Variants in TAFA1 observed in about 807,000 individuals in gnomAD.
TAFA1 encodes the protein TAFA chemokine like family member 1, also known as chemokine-like protein TAFA-1.
Under a neutral mutation model 18.5 loss-of-function variants are expected in TAFA1, and 4 were observed. The ratio of observed to expected loss-of-function variants is 0.22; its 90% confidence interval spans 0.11 to 0.49. The LOEUF (loss-of-function observed/expected upper bound fraction) is 0.49. Among genes scored for constraint, TAFA1 ranks in the 20% least tolerant of loss-of-function variants. The probability of loss-of-function intolerance (pLI) is 0.98; values close to 1 mark genes in which losing one functional copy is unlikely to be tolerated. For synonymous variants in TAFA1, 56 were observed against 55.2 expected, an observed-to-expected ratio of 1.01 and a Z score of -0.06; for missense variants, 147 against 169.0, an observed-to-expected ratio of 0.87 and a Z score of 0.72.
chr3:68,243,306 T>C (rs140517270), intron 2 of TAFA1, among the ~76,000 whole-genome samples: 1 of 152,164 alleles, frequency 6.6e-6, no homozygotes, highest in African/African-American at 2.4e-5. Context: ...TACAGAGCTT[T>C]TACAGTTTTT....
chr3:68,440,336 C>T (rs758519138), intron 3 of TAFA1, among the ~76,000 whole-genome samples: 1 of 152,054 alleles, frequency 6.6e-6, no homozygotes, highest in Non-Finnish European at 1.5e-5. Flanking sequence ...TGTAAATTGC[C>T]CAATCTTGGA....
At chr3:68,266,520 G>A (rs769073204) in intron 2 of TAFA1, among the ~76,000 whole-genome samples, 9 of 152,152 alleles carry the variant, frequency 5.9e-5, no homozygotes, top group East Asian at 1.9e-4. Flanking sequence ...ACAGAAACTC[G>A]TTTGATCTTT....
intron 3 of TAFA1, among the ~76,000 whole-genome samples, chr3:68,537,545 G>A (rs567845635): frequency 2.6e-4 from 39 of 152,176 alleles, no homozygotes; most frequent in Admixed American, 7.9e-4. Context: ...TTTCTTTTAG[G>A]CCTTTAAAAG....
At chr3:68,248,717 G>A (rs1018505671) in intron 2 of TAFA1, among the ~76,000 whole-genome samples, 1 of 146,600 alleles carries the variant, frequency 6.8e-6, no homozygotes, top group Non-Finnish European at 1.5e-5. Context: ...GTTTTGCGGG[G>A]TGGGTGGTGG....
At chr3:68,508,447 T>C (rs1342197104) in intron 3 of TAFA1, among the ~76,000 whole-genome samples, 1 of 151,890 alleles carries the variant, frequency 6.6e-6, no homozygotes, top group Non-Finnish European at 1.5e-5. Flanking sequence ...CGTTATCTTA[T>C]TTACTCTTCT....
chr3:68,046,005 C>T (rs1030633204), intron 2 of TAFA1, among the ~76,000 whole-genome samples: 1 of 151,926 alleles, frequency 6.6e-6, no homozygotes, highest in Non-Finnish European at 1.5e-5. Flanking sequence ...AATAATTTGC[C>T]CCCCTGGAAG....
intron 2 of TAFA1, 110 bp downstream of exon 2, chr3:68,006,854 T>G: frequency 1.3e-6 from 1 of 779,392 alleles, no homozygotes; most frequent in East Asian, 2.5e-5. Flanking sequence ...CAGCTTGCCT[T>G]TGAATTCCAA....
At chr3:68,043,596 T>G (rs2106684378) in intron 2 of TAFA1, among the ~76,000 whole-genome samples, 1 of 152,332 alleles carries the variant, frequency 6.6e-6, no homozygotes, top group East Asian at 1.9e-4. Context: ...TTCTCTGGCA[T>G]CTAAAAGTGA....
At chr3:68,087,466 C>A (rs1273128689) in intron 2 of TAFA1, among the ~76,000 whole-genome samples, 11 of 152,086 alleles carry the variant, frequency 7.2e-5, no homozygotes, top group Non-Finnish European at 1.6e-4. Flanking sequence ...CTACCACCTA[C>A]AGAAAACATT....
chr3:68,405,339 A>G (rs1177287040), intron 2 of TAFA1, among the ~76,000 whole-genome samples: 1 of 152,006 alleles, frequency 6.6e-6, no homozygotes, highest in Admixed American at 6.6e-5. Context: ...AACAAAAATG[A>G]ATAAAGAGGT....
At chr3:68,113,666 A>G (rs2065287929) in intron 2 of TAFA1, among the ~76,000 whole-genome samples, 1 of 152,182 alleles carries the variant, frequency 6.6e-6, no homozygotes, top group African/African-American at 2.4e-5. Context: ...AGGTTTGTAT[A>G]AAGACCCTAT....
At chr3:68,343,913 G>A (rs137925129) in intron 2 of TAFA1, among the ~76,000 whole-genome samples, 15 of 152,220 alleles carry the variant, frequency 9.9e-5, no homozygotes, top group Admixed American at 3.9e-4. Context: ...TCATGATCTC[G>A]GCTCACCGCA....
At chr3:68,426,515 C>T (rs2071057498) in intron 3 of TAFA1, among the ~76,000 whole-genome samples, 1 of 151,880 alleles carries the variant, frequency 6.6e-6, no homozygotes, top group East Asian at 1.9e-4. Flanking sequence ...GGAAAAAATG[C>T]TTACCGTCAC....
At chr3:68,237,995 T>TG (rs1031481995) in intron 2 of TAFA1, among the ~76,000 whole-genome samples, 4 of 152,106 alleles carry the variant, frequency 2.6e-5, no homozygotes, top group African/African-American at 9.7e-5. Flanking sequence ...GTTATTTTTT[T>TG]TTTTTTCCTT....
At chr3:68,140,773 T>C (rs530431506) in intron 2 of TAFA1, among the ~76,000 whole-genome samples, 2 of 152,318 alleles carry the variant, frequency 1.3e-5, no homozygotes, top group East Asian at 3.9e-4. Context: ...CTCTAATTTA[T>C]AGAAGAGCAA....
intron 2 of TAFA1, among the ~76,000 whole-genome samples, chr3:68,077,900 C>A (rs1267676340): frequency 6.6e-6 from 1 of 151,152 alleles, no homozygotes; most frequent in East Asian, 1.9e-4. Flanking sequence ...TTACCTTGGG[C>A]AGTATGGACA....
At chr3:68,080,181 T>C (rs1444302219) in intron 2 of TAFA1, among the ~76,000 whole-genome samples, 1 of 152,188 alleles carries the variant, frequency 6.6e-6, no homozygotes. Context: ...TCTTCCTCCA[T>C]CCTTTTATTT....
In TAFA1 at chr3:68,089,297, T is replaced by C. The variant is rs866376720; in HGVS notation, c.118+82553T>C. ...AATTGAGGTAATACTTTTTGTGAAG[T>C]TTAAATGATATATTATGAATTTTAT... On this transcript the variant is annotated intron_variant, in intron 2 of 4. Coordinates refer to ENST00000478136, the MANE Select transcript of TAFA1 (RefSeq NM_213609.4). 2.0e-5 allele frequency among the ~76,000 whole-genome samples: 3 copies of C among 152,298 alleles called. No homozygotes were observed. In the South Asian group the frequency reaches 6.2e-4, roughly 32 times the overall value.
intron 2 of TAFA1, among the ~76,000 whole-genome samples, chr3:68,359,805 T>G (rs2069436904): frequency 6.6e-6 from 1 of 152,014 alleles, no homozygotes; most frequent in African/African-American, 2.4e-5. Flanking sequence ...AAAGTTTATT[T>G]CACTGTCAAA....
Sources: allele counts gnomAD v4.1 joint callset (sites outside exome capture counted in the v4.1 genomes callset), GRCh38; gene constraint gnomAD v4.1.1; transcripts MANE v1.5; gene names NCBI Gene and HGNC (gene_info 2026-07-23, HGNC 2026-07-21).